ACACA: variants seen among roughly 807,000 people sequenced by gnomAD.
ACACA encodes acetyl-CoA carboxylase alpha.
Under a neutral mutation model 296.1 loss-of-function variants are expected in ACACA, and 103 were observed. The observed-to-expected ratio is 0.35, with a 90% CI of 0.30 to 0.41. The LOEUF (loss-of-function observed/expected upper bound fraction) is 0.41. ACACA is among the 10% of genes least tolerant of loss of function. The probability of loss-of-function intolerance (pLI) is 1.00; values close to 1 mark genes in which losing one functional copy is unlikely to be tolerated. For synonymous variants in ACACA, 953 were observed against 1,038.6 expected (o/e 0.92, Z 1.58); for missense variants, 1,554 against 2,989.7 (o/e 0.52, Z 11.20).
In ACACA at chr17:37,193,360, A is replaced by G; in HGVS notation, c.4200+14T>C. The G allele has an allele frequency of 6.3e-7, 1 of 1,579,550 alleles. No homozygotes were observed. Among genetic ancestry groups the G allele is most frequent in the Admixed American group, 1.7e-5 (1 of 59,658 alleles). On this transcript the variant is annotated intron_variant, in intron 36 of 55. Transcript: ENST00000616317. Reference sequence around the variant, plus strand: ...TAATTTTTTTTTTTAAATAGGAAAGAAATCAATCCTTACCTTATCCCTTGC... The same window carrying G: ...TAATTTTTTTTTTTAAATAGGAAAGGAATCAATCCTTACCTTATCCCTTGC...
chr17:37,404,459 C>T (rs532264312), intron 1 of ACACA, among the ~76,000 whole-genome samples: 38 of 152,192 alleles, frequency 2.5e-4, no homozygotes, highest in Admixed American at 6.6e-5. Flanking sequence ...CTCAATCCAT[C>T]CTCCTGCCTC....
chr17:37,243,237 G>T, intron 22 of ACACA, 134 bp downstream of exon 22: 1 of 916,942 alleles, frequency 1.1e-6, no homozygotes, highest in Non-Finnish European at 1.7e-6. Flanking sequence ...AGGCAGTTTT[G>T]TGAGGAATAC....
At chr17:37,297,664 C>T (rs545819178) in intron 3 of ACACA, among the ~76,000 whole-genome samples, 1 of 151,776 alleles carries the variant, frequency 6.6e-6, no homozygotes, top group Admixed American at 6.6e-5. Context: ...AATTCTCCTG[C>T]CTTGGCCTCC....
At chr17:37,183,068 A>G (rs2077384991) in intron 39 of ACACA, among the ~76,000 whole-genome samples, 1 of 152,236 alleles carries the variant, frequency 6.6e-6, no homozygotes, top group Non-Finnish European at 1.5e-5. Flanking sequence ...GCAAGGGTAC[A>G]GTATGAGAAA....
chr17:37,275,867 A>T, intron 8 of ACACA, 84 bp downstream of exon 8: 1 of 1,147,590 alleles, frequency 8.7e-7, no homozygotes, highest in African/African-American at 1.5e-5. Context: ...CAAGTATACC[A>T]ATACTTTTTC....
At chr17:37,187,944 A>G (rs769088553) in intron 39 of ACACA, among the ~76,000 whole-genome samples, 5 of 152,228 alleles carry the variant, frequency 3.3e-5, no homozygotes, top group Non-Finnish European at 5.9e-5. Context: ...GCATCAGACC[A>G]GAGATTAGAT....
chr17:37,303,812 C>T (rs1262489072), intron 3 of ACACA, among the ~76,000 whole-genome samples: 6 of 152,188 alleles, frequency 3.9e-5, no homozygotes, highest in African/African-American at 1.2e-4. Flanking sequence ...GAGCCAAGAT[C>T]GCGCCATTGC....
chr17:37,265,003 G>A (rs2081689443), intron 10 of ACACA, among the ~76,000 whole-genome samples: 1 of 152,176 alleles, frequency 6.6e-6, no homozygotes, highest in Non-Finnish European at 1.5e-5. Context: ...GGTCTAGGGA[G>A]CCTCAGCTGG....
At position 37,200,497 on chromosome 17, in the gene ACACA, C is replaced by G. The variant is rs776684039; in HGVS notation, c.4057-14G>C. 6.2e-7 allele frequency: 1 copy of G among 1,604,552 alleles called. No homozygotes were observed. Among genetic ancestry groups the G allele is most frequent in the South Asian group, 1.1e-5 (1 of 90,846 alleles). On this transcript the variant is annotated splice_polypyrimidine_tract_variant and intron_variant, in intron 33 of 55. Coordinates refer to ENST00000616317, the MANE Select transcript of ACACA (RefSeq NM_198834.3). ...CAGGGTAGCTTTCTAGGAGCAAAAA[C>G]ATGTAAAACAGAAGATAGATGAGAT...
chr17:37,302,777 T>C (rs1354016076), intron 3 of ACACA, among the ~76,000 whole-genome samples: 2 of 152,240 alleles, frequency 1.3e-5, no homozygotes, highest in East Asian at 1.9e-4. Flanking sequence ...CTTTTCTATA[T>C]AGATCTTACA....
intron 26 of ACACA, chr17:37,225,387 G>T: frequency 2.6e-6 from 1 of 387,770 alleles, no homozygotes; most frequent in African/African-American, 2.1e-5. Flanking sequence ...TTCCATCAGT[G>T]TATGTGATTT....
At chr17:37,184,228 C>T (rs1267472348) in intron 39 of ACACA, among the ~76,000 whole-genome samples, 1 of 152,134 alleles carries the variant, frequency 6.6e-6, no homozygotes, top group Non-Finnish European at 1.5e-5. Flanking sequence ...TCGTTGTAAA[C>T]TATCATCACA....
chr17:37,260,005 C>T (rs545342038), intron 11 of ACACA, among the ~76,000 whole-genome samples: 2 of 151,110 alleles, frequency 1.3e-5, no homozygotes, highest in Non-Finnish European at 2.9e-5. Context: ...CCTCAGCCCC[C>T]CAAGTAGCTG....
chr17:37,347,790 A>C (rs2048701072), intron 1 of ACACA, among the ~76,000 whole-genome samples: 1 of 151,914 alleles, frequency 6.6e-6, no homozygotes, highest in Non-Finnish European at 1.5e-5. Flanking sequence ...TTTAACAAGA[A>C]AGAATTTTTA....
chr17:37,382,298 C>T (rs2050330022), intron 1 of ACACA, among the ~76,000 whole-genome samples: 1 of 152,030 alleles, frequency 6.6e-6, no homozygotes, highest in Non-Finnish European at 1.5e-5. Flanking sequence ...TAACCTCAGC[C>T]TGAAGTTTCT....
chr17:37,307,802 G>A (rs1430816934), intron 3 of ACACA, among the ~76,000 whole-genome samples: 1 of 151,930 alleles, frequency 6.6e-6, no homozygotes, highest in Non-Finnish European at 1.5e-5. Context: ...TGTCCAAGCT[G>A]GCCTCAAACT....
chr17:37,294,402 G>A (rs557358552), intron 3 of ACACA, among the ~76,000 whole-genome samples: 15 of 152,210 alleles, frequency 9.9e-5, no homozygotes, highest in Non-Finnish European at 5.9e-5. Context: ...TTATTTATAA[G>A]CCAATTTGGT....
intron 31 of ACACA, 65 bp downstream of exon 31, chr17:37,207,592 A>G: frequency 1.3e-6 from 2 of 1,594,908 alleles, no homozygotes; most frequent in Non-Finnish European, 1.7e-6. Context: ...TTGCAGAAAG[A>G]TGAGACCCCA....
At chr17:37,306,989 C>T (rs775051496) in intron 3 of ACACA, among the ~76,000 whole-genome samples, 8 of 152,062 alleles carry the variant, frequency 5.3e-5, no homozygotes, top group Admixed American at 1.3e-4. Flanking sequence ...TGAGCCACCA[C>T]GCCTGGCCTT....
Sources: gnomAD v4.1 joint callset for allele counts (sites outside exome capture counted in the v4.1 genomes callset) on GRCh38, gnomAD v4.1.1 for gene constraint, MANE v1.5 for transcripts, NCBI Gene and HGNC (gene_info 2026-07-23, HGNC 2026-07-21) for gene names.